The following DNAJB6 variants were observed in gnomAD, a reference collection of about 807,000 sequenced individuals.
DNAJB6 encodes the protein dnaJ homolog subfamily B member 6.
Under a neutral mutation model 42.7 loss-of-function variants are expected in DNAJB6, and 16 were observed. That is an observed-to-expected ratio of 0.37 (90% confidence interval 0.25 to 0.57). The LOEUF (loss-of-function observed/expected upper bound fraction) is 0.57, where lower values mean the gene tolerates loss of function less well. DNAJB6 is among the 20% of genes least tolerant of loss of function. The pLI is 0.74. For missense variants in DNAJB6, 347 were observed against 416.8 expected, an observed-to-expected ratio of 0.83 and a Z score of 1.46; for synonymous variants, 170 against 163.5, an observed-to-expected ratio of 1.04 and a Z score of -0.30.
intron 5 of DNAJB6, chr7:157,379,967 A>G (rs1187765448): frequency 6.6e-6 from 1 of 150,970 alleles, no homozygotes; most frequent in Non-Finnish European, 1.5e-5. Flanking sequence ...GCCCACCACC[A>G]CTCCTGGCTA....
intron 1 of DNAJB6, among the ~76,000 whole-genome samples, chr7:157,351,017 C>G (rs762610965): frequency 4.3e-4 from 66 of 151,846 alleles, no homozygotes; most frequent in Non-Finnish European, 8.7e-4. Context: ...TCACTGCAGC[C>G]TCCGTCTCCC....
chr7:157,363,971 G>A (rs1001388497), intron 3 of DNAJB6, among the ~76,000 whole-genome samples: 2 of 152,184 alleles, frequency 1.3e-5, no homozygotes, highest in Non-Finnish European at 2.9e-5. Flanking sequence ...TGCAGTGCTG[G>A]GTGGCCTGTT....
chr7:157,349,514 GC>G (rs971867311), intron 1 of DNAJB6, among the ~76,000 whole-genome samples: 100 of 151,446 alleles, frequency 6.6e-4, no homozygotes, highest in Middle Eastern at 3.4e-3. Flanking sequence ...TCAGAGTCTT[GC>G]TCGGTCACCC....
At chr7:157,365,026 G>A (rs1367657689) in intron 3 of DNAJB6, among the ~76,000 whole-genome samples, 2 of 152,094 alleles carry the variant, frequency 1.3e-5, no homozygotes, top group Admixed American at 6.5e-5. Context: ...ATCACAGTTC[G>A]CTGCAGTCTT....
intron 3 of DNAJB6, among the ~76,000 whole-genome samples, chr7:157,363,902 G>A (rs1045510609): frequency 2.0e-5 from 3 of 152,228 alleles, no homozygotes; most frequent in African/African-American, 7.2e-5. Context: ...GGCTGTGCAT[G>A]GGGCCTGGGG....
chr7:157,410,187 G>A (rs373555106), intron 9 of DNAJB6, 186 bp downstream of exon 9: 4 of 1,357,174 alleles, frequency 2.9e-6, no homozygotes, highest in Non-Finnish European at 3.8e-6. Flanking sequence ...CCCACGCCAC[G>A]GTGGCTCCGG....
Position 157,416,079 on chromosome 7 carries a change from C to T in DNAJB6, c.962C>T (p.Ser321Leu), listed in dbSNP as rs142974468. ...KQREESKKKK[S>L]TKGNH Reference sequence around the variant, plus strand: ...AGAGAGGAGTCGAAGAAGAAGAAGTCGACCAAAGGCAATCACTAGACCGGA... The same window carrying T: ...AGAGAGGAGTCGAAGAAGAAGAAGTTGACCAAAGGCAATCACTAGACCGGA... Residue 321 changes from serine (S) to leucine (L), a missense_variant, in exon 10 of 10, where the codon TCG becomes TTG. Physicochemically the swap from Ser to Leu is moderately radical, Grantham distance 145. Transcript: ENST00000262177. The T allele has an allele frequency of 3.9e-4, 623 of 1,613,978 alleles. 1 individual carries two copies. The highest frequency in any genetic ancestry group is 4.6e-4 in the Non-Finnish European group (543 of 1,179,934).
At chr7:157,356,580 A>G (rs1799289938) in intron 1 of DNAJB6, among the ~76,000 whole-genome samples, 1 of 152,158 alleles carries the variant, frequency 6.6e-6, no homozygotes, top group African/African-American at 2.4e-5. Flanking sequence ...AGTCCCTAAT[A>G]TTTTATATTG....
chr7:157,381,103 C>T (rs1160682656), intron 5 of DNAJB6: 1 of 152,012 alleles, frequency 6.6e-6, no homozygotes, highest in Non-Finnish European at 1.5e-5. Flanking sequence ...GTAGCTGGAT[C>T]AAGTCACTCT....
chr7:157,384,952 C>T lies in DNAJB6; in HGVS notation c.564C>T (p.Phe188=), dbSNP rs145897776. ...TTGGTGGTAGTGGCATGGGCAACTT[C>T]AAATCGATATCAACTTCAACTAAAA... The part of the protein sequence containing the change: ...TSFGGSGMGN[F]KSISTSTKMV... Residue 188 remains phenylalanine, a synonymous_variant, in exon 7 of 10, where the codon TTC becomes TTT. Transcript: ENST00000262177. 128 of 1,614,086 alleles carry T rather than the reference C, an allele frequency of 7.9e-5. No individual in the cohort carries two copies. Among genetic ancestry groups the T allele is most frequent in the Non-Finnish European group, 1.1e-4 (125 of 1,179,978 alleles).
chr7:157,369,589 A>G (rs1800016699), intron 5 of DNAJB6: 1 of 322,656 alleles, frequency 3.1e-6, no homozygotes, highest in Non-Finnish European at 6.0e-6. Flanking sequence ...CCGTTTCTCA[A>G]CATTATTATT....
intron 9 of DNAJB6, chr7:157,415,172 A>G (rs532923073): frequency 1.9e-4 from 29 of 152,396 alleles, no homozygotes; most frequent in African/African-American, 7.0e-4. Flanking sequence ...CATGTTGACA[A>G]TTGTGGCCAA....
intron 1 of DNAJB6, among the ~76,000 whole-genome samples, chr7:157,342,472 GGAT>G (rs1798451601): frequency 6.6e-6 from 1 of 151,204 alleles, no homozygotes; most frequent in Non-Finnish European, 1.5e-5. Flanking sequence ...CGAGTACATG[GGAT>G]TACAGGCATG....
At chr7:157,378,861 A>G (rs2117058563) in intron 5 of DNAJB6, 1 of 152,338 alleles carries the variant, frequency 6.6e-6, no homozygotes, top group Non-Finnish European at 1.5e-5. Context: ...TCTGATCTCA[A>G]GTGGCAACTT....
At chr7:157,408,478 G>A (rs928502980) in intron 8 of DNAJB6, among the ~76,000 whole-genome samples, 1 of 152,198 alleles carries the variant, frequency 6.6e-6, no homozygotes. Flanking sequence ...TCCAGGCTGC[G>A]AGTTGCCCAG....
chr7:157,363,577 CTG>C (rs978315668), intron 3 of DNAJB6, among the ~76,000 whole-genome samples: 5 of 152,282 alleles, frequency 3.3e-5, no homozygotes, highest in African/African-American at 1.2e-4. Context: ...ACTCAGGTCA[CTG>C]TGCATGTGGC....
chr7:157,369,114 A>T (rs1799985459), intron 5 of DNAJB6: 3 of 367,084 alleles, frequency 8.2e-6, no homozygotes, highest in African/African-American at 6.4e-5. Context: ...GAAGCTGAGC[A>T]GGCGATTTCC....
chr7:157,409,011 C>T (rs552934566), intron 8 of DNAJB6, among the ~76,000 whole-genome samples: 2 of 152,364 alleles, frequency 1.3e-5, no homozygotes, highest in South Asian at 4.1e-4. Flanking sequence ...GGAGCTCTGA[C>T]GCAGCTGCCT....
intron 1 of DNAJB6, among the ~76,000 whole-genome samples, chr7:157,340,998 G>GTGCGCGCGCGCGCT (rs67210462): frequency 0.054 from 7,322 of 134,728 alleles, 222 homozygotes; most frequent in Admixed American, 0.063. Flanking sequence ...GTGTGTGTGT[G>GTGCGCGCGCGCGCT]CGCGCGCGCA....
Sources: allele counts gnomAD v4.1 joint callset (sites outside exome capture counted in the v4.1 genomes callset), GRCh38; gene constraint gnomAD v4.1.1; transcripts MANE v1.5; gene names NCBI Gene and HGNC (gene_info 2026-07-23, HGNC 2026-07-21).